The following MTUS2 variants were observed in gnomAD, a reference collection of about 807,000 sequenced individuals.
MTUS2 encodes the protein microtubule associated scaffold protein 2, also known as microtubule-associated tumor suppressor candidate 2.
In MTUS2, 40 loss-of-function variants were observed where a neutral mutation model predicts 114.1. The observed-to-expected ratio is 0.35, with a 90% CI of 0.27 to 0.46. MTUS2 has a LOEUF of 0.46. Ranked by LOEUF, MTUS2 falls within the 20% of genes least tolerant of loss-of-function variation. The pLI is 1.00. For synonymous variants in MTUS2, 688 were observed against 672.0 expected, an observed-to-expected ratio of 1.02 and a Z score of -0.37; for missense variants, 1,679 against 1,705.4, an observed-to-expected ratio of 0.98 and a Z score of 0.27.
At chr13:29,402,514 C>G (rs567952930) in intron 8 of MTUS2, among the ~76,000 whole-genome samples, 1 of 144,670 alleles carries the variant, frequency 6.9e-6, no homozygotes, top group South Asian at 2.2e-4. Flanking sequence ...GAAAAACAAA[C>G]AGAAGATACA....
chr13:29,217,044 T>C (rs914283459), intron 5 of MTUS2, among the ~76,000 whole-genome samples: 5 of 152,188 alleles, frequency 3.3e-5, no homozygotes, highest in African/African-American at 1.2e-4. Flanking sequence ...TTTCCATAAT[T>C]TGATTCTTAA....
At chr13:29,195,257 A>ATT (rs1894637590) in intron 5 of MTUS2, among the ~76,000 whole-genome samples, 1 of 100,118 alleles carries the variant, frequency 1.0e-5, no homozygotes, top group Non-Finnish European at 2.1e-5. Flanking sequence ...AATAAAATAA[A>ATT]ATAAAATAAA....
At chr13:29,213,563 C>G (rs556866881) in intron 5 of MTUS2, among the ~76,000 whole-genome samples, 1 of 152,252 alleles carries the variant, frequency 6.6e-6, no homozygotes, top group South Asian at 2.1e-4. Context: ...GATGAATTGG[C>G]CACTTTATCA....
intron 2 of MTUS2, among the ~76,000 whole-genome samples, chr13:28,968,643 A>T (rs935120128): frequency 1.3e-5 from 2 of 152,068 alleles, no homozygotes; most frequent in South Asian, 2.1e-4. Flanking sequence ...AAATAAAAAA[A>T]TTTTCATGTC....
chr13:29,451,011 C>T (rs1878648220), intron 9 of MTUS2, among the ~76,000 whole-genome samples: 1 of 152,150 alleles, frequency 6.6e-6, no homozygotes, highest in Non-Finnish European at 1.5e-5. Context: ...CTCCAGTACT[C>T]CACTCTGAGT....
chr13:28,900,704 T>C (rs1231079053), intron 2 of MTUS2, among the ~76,000 whole-genome samples: 1 of 152,210 alleles, frequency 6.6e-6, no homozygotes, highest in African/African-American at 2.4e-5. Context: ...CGTTCTAGGC[T>C]GTCACAAATA....
chr13:28,968,823 C>T (rs1883719338), intron 2 of MTUS2, among the ~76,000 whole-genome samples: 1 of 152,030 alleles, frequency 6.6e-6, no homozygotes, highest in Non-Finnish European at 1.5e-5. Context: ...CACTTGTACT[C>T]ATTATCATGT....
chr13:29,195,675 C>T (rs1464946450), intron 5 of MTUS2, among the ~76,000 whole-genome samples: 4 of 151,922 alleles, frequency 2.6e-5, no homozygotes, highest in Admixed American at 6.6e-5. Flanking sequence ...AAGGGAAGGG[C>T]GCCCCACCCA....
chr13:29,023,869 C>T (rs1010860884), intron 2 of MTUS2, among the ~76,000 whole-genome samples: 5 of 152,094 alleles, frequency 3.3e-5, no homozygotes, highest in African/African-American at 7.2e-5. Flanking sequence ...ATCAGGAGTC[C>T]GTAATGTCAG....
intron 8 of MTUS2, among the ~76,000 whole-genome samples, chr13:29,404,563 T>C (rs1056636918): frequency 2.0e-5 from 3 of 152,160 alleles, no homozygotes; most frequent in Non-Finnish European, 2.9e-5. Context: ...GATACAATTT[T>C]AACATTGTTC....
intron 2 of MTUS2, among the ~76,000 whole-genome samples, chr13:29,000,958 A>G (rs142352633): frequency 0.011 from 1,666 of 152,298 alleles, 19 homozygotes; most frequent in Middle Eastern, 0.02. Context: ...GTTGTTCCCC[A>G]GTTCCGCTGA....
intron 2 of MTUS2, among the ~76,000 whole-genome samples, chr13:28,921,341 G>T (rs1177973982): frequency 1.3e-5 from 2 of 152,192 alleles, no homozygotes; most frequent in African/African-American, 4.8e-5. Flanking sequence ...TCTGTTATGA[G>T]CTAGAGCCTC....
At chr13:29,285,459 A>T (rs547547669) in intron 6 of MTUS2, among the ~76,000 whole-genome samples, 1 of 152,362 alleles carries the variant, frequency 6.6e-6, no homozygotes, top group South Asian at 2.1e-4. Flanking sequence ...CATCAGTATG[A>T]GGAATCACCA....
At chr13:29,264,545 G>A (rs1419065142) in intron 5 of MTUS2, among the ~76,000 whole-genome samples, 1 of 152,252 alleles carries the variant, frequency 6.6e-6, no homozygotes, top group African/African-American at 2.4e-5. Context: ...CTTGCAGCAG[G>A]CTCCCGCCTG....
At chr13:29,366,471 A>G (rs1870720924) in intron 8 of MTUS2, among the ~76,000 whole-genome samples, 1 of 152,122 alleles carries the variant, frequency 6.6e-6, no homozygotes, top group Non-Finnish European at 1.5e-5. Context: ...AACCATATCA[A>G]GCGTTATCAT....
intron 14 of MTUS2, 78 bp downstream of exon 14, chr13:29,498,615 T>G: frequency 6.3e-7 from 1 of 1,582,932 alleles, no homozygotes; most frequent in Non-Finnish European, 8.6e-7. Context: ...GTTGATGGTG[T>G]TCAGCCAGGT....
At chr13:29,271,239 G>T (rs897084832) in intron 5 of MTUS2, among the ~76,000 whole-genome samples, 5 of 152,184 alleles carry the variant, frequency 3.3e-5, no homozygotes, top group African/African-American at 9.7e-5. Context: ...GGCCTAACTT[G>T]TACTTTCTGT....
chr13:29,503,435 C>T lies in MTUS2; in HGVS notation c.*229C>T, dbSNP rs556141695. On this transcript the variant is annotated 3_prime_UTR_variant, in exon 16 of 16. Coordinates refer to ENST00000612955, the MANE Select transcript of MTUS2 (RefSeq NM_001033602.4). ...GCAAACGTTTTACCATAGTTAGAGC[C>T]AAAAGAAAGACACTTGCAATTGTTC... 1.7e-6 allele frequency: 1 copy of T among 590,160 alleles called. No individual in the cohort carries two copies. The highest frequency in any genetic ancestry group is 1.9e-5 in the African/African-American group (1 of 53,836). 36.6% of individuals were successfully genotyped at this position (590,160 alleles called of 1,614,324 possible).
intron 1 of MTUS2, among the ~76,000 whole-genome samples, chr13:28,834,172 C>G (rs1874905313): frequency 6.6e-6 from 1 of 152,036 alleles, no homozygotes; most frequent in Non-Finnish European, 1.5e-5. Context: ...AATTGAAAAG[C>G]TGATCCTCAA....
Sources: allele counts gnomAD v4.1 joint callset (sites outside exome capture counted in the v4.1 genomes callset), GRCh38; gene constraint gnomAD v4.1.1; transcripts MANE v1.5; gene names NCBI Gene and HGNC (gene_info 2026-07-23, HGNC 2026-07-21).